The following CEP97 variants were observed in gnomAD, a reference collection of about 807,000 sequenced individuals.
CEP97 encodes the protein centrosomal protein of 97 kDa.
CEP97 carries 43 observed loss-of-function variants against 73.1 expected under a neutral mutation model. The ratio of observed to expected loss-of-function variants is 0.59; its 90% CI spans 0.46 to 0.76. The LOEUF (loss-of-function observed/expected upper bound fraction) is 0.76, where lower values mean the gene tolerates loss of function less well. CEP97 is among the 30% of genes least tolerant of loss of function. The pLI is 0.00. For synonymous variants in CEP97, 337 were observed against 370.0 expected, an observed-to-expected ratio of 0.91 and a Z score of 1.02; for missense variants, 939 against 1,014.0, an observed-to-expected ratio of 0.93 and a Z score of 1.00.
chr3:101,765,087 C>A lies in CEP97; in HGVS notation c.2134C>A (p.His712Asn). The A allele has an allele frequency of 6.2e-7, 1 of 1,614,146 alleles. No individual in the cohort carries two copies. The highest frequency in any genetic ancestry group is 8.5e-7 in the Non-Finnish European group (1 of 1,180,038). ...TCATTCCTCTCTAACAGAACAAGTT[C>A]ATTCATTGCAGCATTCTTTGGATTT... is the stretch of plus-strand genomic sequence containing the variant. ...GFHSSLTEQVHSLQHSLDFEK... is the reference protein window; with the variant it reads ...GFHSSLTEQVNSLQHSLDFEK... The change falls in exon 11 of 11, where the codon CAT becomes AAT. Residue 712 changes from histidine to asparagine, a missense_variant. Coordinates refer to ENST00000341893, the MANE Select transcript of CEP97 (RefSeq NM_024548.4).
rs764985253 is a variant in CEP97 at position 101,726,547 on chromosome 3, ATGTTT to A, written c.44-45_44-41del. ...CCAGCCCTATGCTTAGCTGTTGTAC[ATGTTT>A]TATTTTATTTGTGTTTTCTAACATT... On this transcript the variant is annotated intron_variant, in intron 1 of 10. Transcript: ENST00000341893. The A allele has an allele frequency of 6.8e-6, 10 of 1,473,814 alleles. No individual in the cohort carries two copies. The African/African-American group carries it at 1.0e-4, about 15-fold the overall frequency. 91.3% of individuals were successfully genotyped at this position (1,473,814 alleles called of 1,614,324 possible).
chr3:101,731,131 T>C (rs975748921), intron 4 of CEP97, among the ~76,000 whole-genome samples: 2 of 151,936 alleles, frequency 1.3e-5, no homozygotes, highest in Admixed American at 1.3e-4. Flanking sequence ...GTTGCAATTA[T>C]GGATGTAGGT....
At chr3:101,730,007 C>T (rs569061168) in intron 4 of CEP97, among the ~76,000 whole-genome samples, 2 of 152,102 alleles carry the variant, frequency 1.3e-5, no homozygotes, top group South Asian at 2.1e-4. Context: ...GATTTCACCA[C>T]GTTGGCCAGG....
chr3:101,756,024 C>T (rs1451185925), intron 7 of CEP97, among the ~76,000 whole-genome samples: 1 of 151,484 alleles, frequency 6.6e-6, no homozygotes, highest in African/African-American at 2.4e-5. Context: ...TGAGCTACTA[C>T]ACCAGGAAAC....
In CEP97 at chr3:101,732,487, G is replaced by C; in HGVS notation, c.562-1G>C. On this transcript the variant is annotated splice_acceptor_variant, in intron 5 of 10. Transcript: ENST00000341893. LOFTEE classifies it high-confidence loss of function. ...TTCAACAAAGATATCTTTTGTTCCA[G>C]ATCTCTTTTTTGGCATCCTTAACTG... The C allele has an allele frequency of 6.3e-7, 1 of 1,599,394 alleles. No homozygotes were observed. The highest frequency in any genetic ancestry group is 8.6e-7 in the Non-Finnish European group (1 of 1,169,094).
chr3:101,732,713 A>G, intron 6 of CEP97, 59 bp downstream of exon 6: 6 of 1,408,974 alleles, frequency 4.3e-6, no homozygotes, highest in South Asian at 1.3e-5. Context: ...CTAGTTTACT[A>G]CAGATTAATA....
At position 101,766,659 on chromosome 3, in the gene CEP97, G is replaced by T. The variant is rs1424778191; in HGVS notation, c.*1108G>T. 1 of 145,698 alleles carries T rather than the reference G, an allele frequency of 6.9e-6. No homozygotes were observed. Among genetic ancestry groups the T allele is most frequent in the Non-Finnish European group, 1.5e-5 (1 of 66,108 alleles). 9.0% of individuals were successfully genotyped at this position (145,698 alleles called of 1,614,324 possible). On this transcript the variant is annotated 3_prime_UTR_variant, in exon 11 of 11. Coordinates refer to ENST00000341893, the MANE Select transcript of CEP97 (RefSeq NM_024548.4). ...AAGGGATATATATATATATATATATGTCTGCAACTTCAGGGAGAAATAAGA... is the reference window on the plus strand; with the variant it reads ...AAGGGATATATATATATATATATATTTCTGCAACTTCAGGGAGAAATAAGA...
intron 9 of CEP97, among the ~76,000 whole-genome samples, chr3:101,759,962 T>C (rs745825753): frequency 5.7e-5 from 8 of 141,580 alleles, no homozygotes; most frequent in African/African-American, 8.1e-5. Context: ...ATGAGAGATA[T>C]AGAGTTTGTT....
intron 6 of CEP97, among the ~76,000 whole-genome samples, chr3:101,751,332 A>T (rs1303335399): frequency 6.6e-6 from 1 of 152,188 alleles, no homozygotes; most frequent in East Asian, 1.9e-4. Flanking sequence ...TTTACTTCTA[A>T]CTGTGTGGTC....
At chr3:101,761,874 G>A (rs1258370078) in intron 9 of CEP97, among the ~76,000 whole-genome samples, 4 of 152,146 alleles carry the variant, frequency 2.6e-5, no homozygotes, top group Admixed American at 2.6e-4. Flanking sequence ...TTTGTGATAG[G>A]CCTAAGTATG....
At chr3:101,754,640 A>G (rs566647257) in intron 6 of CEP97, among the ~76,000 whole-genome samples, 2 of 152,334 alleles carry the variant, frequency 1.3e-5, no homozygotes, top group East Asian at 3.9e-4. Context: ...TAACTTGGCT[A>G]GATGTCCAAG....
Position 101,724,708 on chromosome 3 carries a change from C to T in CEP97, c.32C>T (p.Pro11Leu). 6.2e-7 allele frequency: 1 copy of T among 1,614,228 alleles called. No homozygotes were observed. MAVARVDAALPPGEGSVVNWS... is the reference protein window; with the variant it reads MAVARVDAALLPGEGSVVNWS... ...GTGGCGCGCGTGGACGCGGCTTTGC[C>T]TCCCGGAGAAGGTAAGGCGATCCCT... The change falls in exon 1 of 11, where the codon CCT (proline) becomes CTT (leucine). Residue 11 changes from proline (P) to leucine (L), a missense_variant. Transcript: ENST00000341893.
intron 7 of CEP97, among the ~76,000 whole-genome samples, chr3:101,756,136 T>C (rs1410870336): frequency 6.6e-6 from 1 of 152,028 alleles, no homozygotes; most frequent in African/African-American, 2.4e-5. Context: ...TCTCAGCTCA[T>C]TGCAACCTCC....
rs1576674093 is a variant in CEP97, at chr3:101,727,366, A to G, written c.187-17A>G. 1 of 1,491,940 alleles carries G rather than the reference A, an allele frequency of 6.7e-7. No homozygotes were observed. Among genetic ancestry groups the G allele is most frequent in the Non-Finnish European group, 9.0e-7 (1 of 1,109,282 alleles). The allele number at this position is 1,491,940 out of a possible 1,614,324, so 92.4% of individuals were successfully genotyped here. ...ATATGTTATTCCTAAAAATAACAAT[A>G]TGTTTCCTTTTTACAGTTATCAGTA... On this transcript the variant is annotated splice_polypyrimidine_tract_variant and intron_variant, in intron 2 of 10. Coordinates refer to ENST00000341893, the MANE Select transcript of CEP97 (RefSeq NM_024548.4).
chr3:101,755,431 T>C lies in CEP97; in HGVS notation c.730T>C (p.Leu244=). 1 of 1,613,956 alleles carries C rather than the reference T, an allele frequency of 6.2e-7. No homozygotes were observed. The highest frequency in any genetic ancestry group is 8.5e-7 in the Non-Finnish European group (1 of 1,179,868). The part of the protein sequence containing the change: ...DGYVISQKES[L]KAEWLYSQGK... ...CTTTTTTATGTTCCCCAATTCCAGT[T>C]TGAAAGCTGAATGGCTCTATAGTCA... Residue 244 remains leucine (L), a splice_region_variant and synonymous_variant, in exon 7 of 11, where the codon TTG becomes CTG. Transcript: ENST00000341893.
In CEP97 at chr3:101,768,161, G is replaced by A. The variant is rs1007631209; in HGVS notation, c.*2610G>A. 1.3e-5 allele frequency: 2 copies of A among 152,336 alleles called. No homozygotes were observed. The highest frequency in any genetic ancestry group is 6.5e-5 in the Admixed American group (1 of 15,308). The allele number at this position is 152,336 out of a possible 1,614,324, so 9.4% of individuals were successfully genotyped here. A position where few individuals can be genotyped will look rare whatever the true frequency, so the allele number is the denominator to read the frequency against. On this transcript the variant is annotated 3_prime_UTR_variant, in exon 11 of 11. Transcript: ENST00000341893. ...CTGCAGAAGCACAGAATCATACCAT[G>A]TAAGAGTTGGAAGGAAGCTTAAGAG...
chr3:101,761,852 A>AG (rs1410359843), intron 9 of CEP97, among the ~76,000 whole-genome samples: 3 of 152,186 alleles, frequency 2.0e-5, no homozygotes, highest in Non-Finnish European at 4.4e-5. Context: ...TCACTAAAGG[A>AG]GGAGCCTTAG....
chr3:101,766,450 AGGTCCGT>A lies in CEP97; in HGVS notation c.*902_*908del, dbSNP rs1036636674. The A allele has an allele frequency of 1.3e-5, 2 of 152,628 alleles. No homozygotes were observed. Among genetic ancestry groups the A allele is most frequent in the African/African-American group, 2.4e-5 (1 of 41,448 alleles). The allele number at this position is 152,628 out of a possible 1,614,324, so 9.5% of individuals were successfully genotyped here. A position where few individuals can be genotyped will look rare whatever the true frequency, so the allele number is the denominator to read the frequency against. ...ATTTTTACTTATATATTTCAGCAGA[AGGTCCGT>A]GGCCATTCACTTCAATTTTGACCTC... On this transcript the variant is annotated 3_prime_UTR_variant, in exon 11 of 11. Transcript: ENST00000341893.
At chr3:101,729,390 T>C (rs1365302610) in intron 4 of CEP97, among the ~76,000 whole-genome samples, 1 of 152,096 alleles carries the variant, frequency 6.6e-6, no homozygotes, top group African/African-American at 2.4e-5. Context: ...TTTGAAACTT[T>C]TTGTTGTTAG....
Sources: allele counts gnomAD v4.1 joint callset (sites outside exome capture counted in the v4.1 genomes callset), GRCh38; gene constraint gnomAD v4.1.1; transcripts MANE v1.5; gene names NCBI Gene and HGNC (gene_info 2026-07-23, HGNC 2026-07-21).